Variants in SYN3 observed in about 807,000 individuals in gnomAD.
SYN3 encodes synapsin-3.
A neutral mutation model predicts 65.8 loss-of-function variants in SYN3; 35 were observed. That is an observed-to-expected ratio of 0.53 (90% CI 0.41 to 0.70). The LOEUF is 0.70. Ranked by LOEUF, SYN3 falls within the 30% of genes least tolerant of loss-of-function variation. SYN3 has a pLI of 0.00. For synonymous variants in SYN3, 270 were observed against 292.9 expected (o/e 0.92, Z 0.80); for missense variants, 680 against 749.0 (o/e 0.91, Z 1.08).
At chr22:32,710,111 A>ATG (rs55824039) in intron 6 of SYN3, among the ~76,000 whole-genome samples, 36,745 of 134,652 alleles carry the variant, frequency 0.27, 5,721 homozygotes, top group Middle Eastern at 0.36. Flanking sequence ...GTGTGTGTGT[A>ATG]TGTGTGTGTG....
intron 7 of SYN3, among the ~76,000 whole-genome samples, chr22:32,562,137 C>T (rs1172483466): frequency 6.6e-6 from 1 of 152,120 alleles, no homozygotes; most frequent in African/African-American, 2.4e-5. Context: ...GAGATAACAT[C>T]CCCCCCAATA....
chr22:32,961,963 C>G (rs2051667668), intron 3 of SYN3, among the ~76,000 whole-genome samples: 1 of 152,088 alleles, frequency 6.6e-6, no homozygotes, highest in Non-Finnish European at 1.5e-5. Flanking sequence ...GGCAAAGCCA[C>G]GATTCAAGCC....
chr22:32,545,937 A>AT (rs543041210), intron 7 of SYN3, among the ~76,000 whole-genome samples: 189 of 151,328 alleles, frequency 1.2e-3, no homozygotes, highest in African/African-American at 4.2e-3. Context: ...CTATTTATTT[A>AT]TTTTTTTAAA....
intron 1 of SYN3, among the ~76,000 whole-genome samples, chr22:33,048,034 TC>T (rs1172332685): frequency 6.6e-6 from 1 of 152,110 alleles, no homozygotes; most frequent in Non-Finnish European, 1.5e-5. Flanking sequence ...ATGAATACTG[TC>T]CGGAGGAGGC....
chr22:32,723,805 C>A lies in SYN3; in HGVS notation c.712-127069G>T, dbSNP rs138576884. Reference sequence around the variant, plus strand: ...AACCACAGAAACAGCACATGCTTGCCGCTGCCGGCTGCCGCCTGGATCCTT... The same window carrying A: ...AACCACAGAAACAGCACATGCTTGCAGCTGCCGGCTGCCGCCTGGATCCTT... On this transcript the variant is annotated intron_variant, in intron 6 of 13. Coordinates refer to ENST00000358763, the MANE Select transcript of SYN3 (RefSeq NM_003490.4). Among the ~76,000 whole-genome samples, 7 of 152,330 alleles carry A rather than the reference C, an allele frequency of 4.6e-5. No homozygotes were observed. In the East Asian group the frequency reaches 1.2e-3, roughly 25 times the overall value.
chr22:32,605,394 G>A (rs1220943060), intron 6 of SYN3, among the ~76,000 whole-genome samples: 3 of 152,148 alleles, frequency 2.0e-5, no homozygotes, highest in African/African-American at 7.2e-5. Flanking sequence ...TGGATGCAGT[G>A]GGGTAGACAC....
At chr22:32,666,230 C>A (rs2060287840) in intron 6 of SYN3, among the ~76,000 whole-genome samples, 1 of 152,226 alleles carries the variant, frequency 6.6e-6, no homozygotes, top group South Asian at 2.1e-4. Flanking sequence ...CCTCATCTCT[C>A]TTTTACCCAG....
At chr22:32,643,808 G>GAAA (rs1254391773) in intron 6 of SYN3, among the ~76,000 whole-genome samples, 13 of 151,696 alleles carry the variant, frequency 8.6e-5, no homozygotes, top group African/African-American at 3.1e-4. Context: ...AAAGAGACAA[G>GAAA]GGGCCGGGCG....
intron 3 of SYN3, among the ~76,000 whole-genome samples, chr22:32,970,089 G>C (rs2051971656): frequency 6.6e-6 from 1 of 152,230 alleles, no homozygotes; most frequent in South Asian, 2.1e-4. Context: ...GTGACGTGAA[G>C]CTGATCATAA....
chr22:32,922,853 G>A (rs1050186586), intron 4 of SYN3, among the ~76,000 whole-genome samples: 1 of 152,128 alleles, frequency 6.6e-6, no homozygotes, highest in Admixed American at 6.6e-5. Flanking sequence ...CACCTCAATG[G>A]AATCCTAGGT....
chr22:33,006,133 G>A (rs2053188869), intron 2 of SYN3, among the ~76,000 whole-genome samples: 1 of 152,206 alleles, frequency 6.6e-6, no homozygotes, highest in Admixed American at 6.5e-5. Flanking sequence ...CTGTGGACCT[G>A]TAAATATAAA....
intron 6 of SYN3, among the ~76,000 whole-genome samples, chr22:32,808,101 T>G (rs542214252): frequency 6.6e-6 from 1 of 152,338 alleles, no homozygotes; most frequent in East Asian, 1.9e-4. Flanking sequence ...CTTGACTTGT[T>G]GCATGCTGGA....
intron 1 of SYN3, chr22:33,015,064 C>CA (rs2145839317): frequency 5.8e-6 from 1 of 173,634 alleles, no homozygotes. Flanking sequence ...ACTAAAAGTA[C>CA]AAAAAAATTA....
intron 13 of SYN3, among the ~76,000 whole-genome samples, chr22:32,517,681 A>C (rs1292817539): frequency 6.6e-6 from 1 of 152,214 alleles, no homozygotes; most frequent in African/African-American, 2.4e-5. Flanking sequence ...AGACACCAGC[A>C]GAAGAACCTC....
chr22:32,936,910 C>T (rs945596514), intron 3 of SYN3, among the ~76,000 whole-genome samples: 4 of 152,222 alleles, frequency 2.6e-5, no homozygotes, highest in African/African-American at 7.2e-5. Flanking sequence ...TAATCAATCA[C>T]TCCATGTAGA....
At chr22:32,782,760 G>A (rs549353215) in intron 6 of SYN3, among the ~76,000 whole-genome samples, 94 of 151,342 alleles carry the variant, frequency 6.2e-4, no homozygotes, top group Middle Eastern at 6.9e-3. Context: ...CTCATGATCC[G>A]CCCGCGTCAG....
chr22:33,053,700 T>C (rs928953851), intron 1 of SYN3, among the ~76,000 whole-genome samples: 1 of 152,290 alleles, frequency 6.6e-6, no homozygotes, highest in East Asian at 1.9e-4. Flanking sequence ...AGCTTAAACA[T>C]CACTATCTCT....
intron 6 of SYN3, among the ~76,000 whole-genome samples, chr22:32,774,176 T>C (rs2045847937): frequency 6.6e-6 from 1 of 152,054 alleles, no homozygotes; most frequent in African/African-American, 2.4e-5. Flanking sequence ...AATTGAAAAA[T>C]GTAACCTCCA....
intron 1 of SYN3, among the ~76,000 whole-genome samples, chr22:33,032,234 A>G (rs1039338263): frequency 6.0e-5 from 9 of 149,808 alleles, no homozygotes; most frequent in Admixed American, 1.3e-4. Context: ...AATGCTGGGC[A>G]TGGTGGCTCA....
Sources: allele counts gnomAD v4.1 joint callset (sites outside exome capture counted in the v4.1 genomes callset), GRCh38; gene constraint gnomAD v4.1.1; transcripts MANE v1.5; gene names NCBI Gene and HGNC (gene_info 2026-07-23, HGNC 2026-07-21).